The following PAX5 variants were observed in gnomAD, a reference collection of about 807,000 sequenced individuals.
PAX5 encodes paired box 5, also known as paired box protein Pax-5.
In PAX5, 9 loss-of-function variants were observed where a neutral mutation model predicts 43.7. The ratio of observed to expected loss-of-function variants is 0.21; its 90% CI spans 0.12 to 0.36. The LOEUF (loss-of-function observed/expected upper bound fraction) is 0.36. Ranked by LOEUF, PAX5 falls within the 10% of genes least tolerant of loss-of-function variation. The pLI is 1.00. For synonymous variants in PAX5, 228 were observed against 214.3 expected (o/e 1.06, Z -0.56); for missense variants, 383 against 532.7 (o/e 0.72, Z 2.77).
intron 5 of PAX5, among the ~76,000 whole-genome samples, chr9:36,998,627 G>A (rs1191765545): frequency 6.6e-6 from 1 of 152,152 alleles, no homozygotes; most frequent in Non-Finnish European, 1.5e-5. Context: ...GTACAATCGA[G>A]GAGCTAATTT....
intron 6 of PAX5, among the ~76,000 whole-genome samples, chr9:36,939,267 G>T (rs1831821989): frequency 6.6e-6 from 1 of 152,200 alleles, no homozygotes. Flanking sequence ...TTACTGCTCA[G>T]TATGGGCTGT....
chr9:37,034,125 T>C lies in PAX5; in HGVS notation c.-94A>G, dbSNP rs2132595197. On this transcript the variant is annotated 5_prime_UTR_variant, in exon 1 of 10. Coordinates refer to ENST00000358127, the MANE Select transcript of PAX5 (RefSeq NM_016734.3). ...TTTTTTTTTTTTTTTTTTTTTTTTT[T>C]TGGTGCCAGGGGCCGCTCACAGGTC... 1 of 742,630 alleles carries C rather than the reference T, an allele frequency of 1.3e-6. No individual in the cohort carries two copies. The highest frequency in any genetic ancestry group is 2.8e-5 in the East Asian group (1 of 35,652). 46.0% of individuals were successfully genotyped at this position (742,630 alleles called of 1,614,324 possible).
At chr9:36,926,592 T>C (rs1830655882) in intron 6 of PAX5, among the ~76,000 whole-genome samples, 1 of 152,240 alleles carries the variant, frequency 6.6e-6, no homozygotes, top group Non-Finnish European at 1.5e-5. Flanking sequence ...TTCCACTCAC[T>C]GGAAGCAACT....
At chr9:36,983,636 G>A (rs1165688308) in intron 5 of PAX5, among the ~76,000 whole-genome samples, 1 of 152,056 alleles carries the variant, frequency 6.6e-6, no homozygotes, top group African/African-American at 2.4e-5. Flanking sequence ...ACCACATTCA[G>A]CTAATTTTTG....
intron 8 of PAX5, among the ~76,000 whole-genome samples, chr9:36,872,058 C>G (rs571537326): frequency 7.9e-5 from 12 of 152,340 alleles, no homozygotes; most frequent in African/African-American, 2.4e-4. Context: ...TCTCTCTCAC[C>G]CTAAGATTGC....
At chr9:37,010,923 C>T (rs1423125335) in intron 3 of PAX5, among the ~76,000 whole-genome samples, 1 of 151,988 alleles carries the variant, frequency 6.6e-6, no homozygotes, top group African/African-American at 2.4e-5. Context: ...GAGTTCGAGA[C>T]CACCCTGGGC....
intron 8 of PAX5, among the ~76,000 whole-genome samples, chr9:36,863,075 C>A (rs998405054): frequency 1.3e-5 from 2 of 152,120 alleles, no homozygotes; most frequent in African/African-American, 4.8e-5. Flanking sequence ...AAGGAAGGAA[C>A]AAGGTGCTGA....
At chr9:37,000,770 G>A (rs761996168) in intron 5 of PAX5, among the ~76,000 whole-genome samples, 17 of 152,160 alleles carry the variant, frequency 1.1e-4, no homozygotes, top group Non-Finnish European at 2.2e-4. Flanking sequence ...TCTCATATGT[G>A]CAACTTGGTT....
At chr9:36,929,223 GAA>G (rs1830912072) in intron 6 of PAX5, among the ~76,000 whole-genome samples, 3 of 147,740 alleles carry the variant, frequency 2.0e-5, no homozygotes, top group African/African-American at 5.1e-5. Flanking sequence ...AAGGAAGGAA[GAA>G]GGAAGGAAGG....
intron 8 of PAX5, among the ~76,000 whole-genome samples, chr9:36,876,952 C>T (rs920801410): frequency 2.0e-5 from 3 of 152,212 alleles, no homozygotes; most frequent in African/African-American, 7.2e-5. Flanking sequence ...TTTTCAGGCT[C>T]TGCAGTGTGG....
At chr9:36,888,982 C>CTGAG (rs1051591924) in intron 7 of PAX5, among the ~76,000 whole-genome samples, 3 of 152,212 alleles carry the variant, frequency 2.0e-5, no homozygotes, top group African/African-American at 7.2e-5. Flanking sequence ...ATACAACGAT[C>CTGAG]TGAGCATGGG....
chr9:36,852,462 G>A (rs372891086), intron 8 of PAX5, among the ~76,000 whole-genome samples: 38 of 152,336 alleles, frequency 2.5e-4, no homozygotes, highest in South Asian at 4.1e-4. Flanking sequence ...GGAGGGCTGC[G>A]TGGGAACTGT....
At position 37,020,706 on chromosome 9, in the gene PAX5, C is replaced by A; in HGVS notation, c.142G>T (p.Gly48Cys). Residue 48 changes from glycine (G) to cysteine (C), a missense_variant, in exon 2 of 10, where the codon GGT becomes TGT. By Grantham distance (159) the Gly-to-Cys change is radical. Coordinates refer to ENST00000358127, the MANE Select transcript of PAX5 (RefSeq NM_016734.3). ...RQRIVELAHQ[G>C]VRPCDISRQL... The stretch of plus-strand genomic sequence containing the variant: ...CTGGAGATGTCGCAGGGCCTGACAC[C>A]TTGATGAGCAAGTTCCACTATCCTC... 6.2e-7 allele frequency: 1 copy of A among 1,614,178 alleles called. No homozygotes were observed. The highest frequency in any genetic ancestry group is 8.5e-7 in the Non-Finnish European group (1 of 1,180,032).
chr9:36,869,011 A>C (rs747727767), intron 8 of PAX5, among the ~76,000 whole-genome samples: 1 of 151,962 alleles, frequency 6.6e-6, no homozygotes, highest in Non-Finnish European at 1.5e-5. Context: ...ATTTGAGAAC[A>C]CTCTCCTTTT....
At chr9:37,030,354 C>T (rs1407711944) in intron 1 of PAX5, among the ~76,000 whole-genome samples, 1 of 152,206 alleles carries the variant, frequency 6.6e-6, no homozygotes, top group African/African-American at 2.4e-5. Flanking sequence ...CAAACGACAG[C>T]CCAGAGAGGT....
In PAX5 at chr9:36,836,547, CA is replaced by C. The variant is rs1193023614; in HGVS notation, c.*4012del. 3 of 233,044 alleles carry C rather than the reference CA, an allele frequency of 1.3e-5. No individual in the cohort carries two copies. Among genetic ancestry groups the C allele is most frequent in the Middle Eastern group, 1.2e-3 (1 of 808 alleles). The allele number at this position is 233,044 out of a possible 1,614,324, so 14.4% of individuals were successfully genotyped here. A position where few individuals can be genotyped will look rare whatever the true frequency, so the allele number is the denominator to read the frequency against. ...CAAGTTTTCATACTTGAATGCCACTCAGGGGGGCAGGCACACTTCTGGGCAT... is the reference window on the plus strand; with the variant it reads ...CAAGTTTTCATACTTGAATGCCACTCGGGGGGCAGGCACACTTCTGGGCAT... On this transcript the variant is annotated 3_prime_UTR_variant, in exon 10 of 10. Transcript: ENST00000358127.
At chr9:36,925,034 C>T (rs1278607517) in intron 6 of PAX5, among the ~76,000 whole-genome samples, 4 of 151,924 alleles carry the variant, frequency 2.6e-5, no homozygotes, top group Non-Finnish European at 5.9e-5. Flanking sequence ...GCTGCAGGCA[C>T]CCTGAGTAAA....
At chr9:36,859,981 G>A (rs1824043187) in intron 8 of PAX5, among the ~76,000 whole-genome samples, 1 of 151,708 alleles carries the variant, frequency 6.6e-6, no homozygotes, top group Non-Finnish European at 1.5e-5. Flanking sequence ...CTTGCAGTTA[G>A]CTGAGATCAC....
At chr9:37,032,315 C>A (rs1339001177) in intron 1 of PAX5, among the ~76,000 whole-genome samples, 1 of 152,190 alleles carries the variant, frequency 6.6e-6, no homozygotes, top group African/African-American at 2.4e-5. Context: ...CCGAGGACTG[C>A]GCAGACCCTC....
Sources: gnomAD v4.1 joint callset for allele counts (sites outside exome capture counted in the v4.1 genomes callset) on GRCh38, gnomAD v4.1.1 for gene constraint, MANE v1.5 for transcripts, NCBI Gene and HGNC (gene_info 2026-07-23, HGNC 2026-07-21) for gene names.